The following KAZN variants were observed in gnomAD, a reference collection of about 807,000 sequenced individuals.
KAZN encodes kazrin.
Under a neutral mutation model 87.4 loss-of-function variants are expected in KAZN, and 40 were observed. That is an observed-to-expected ratio of 0.46 (90% CI 0.36 to 0.60). The LOEUF (loss-of-function observed/expected upper bound fraction) is 0.60. Ranked by LOEUF, KAZN falls within the 20% of genes least tolerant of loss-of-function variation. The probability of loss-of-function intolerance (pLI) is 0.00; values close to 1 mark genes in which losing one functional copy is unlikely to be tolerated. For missense variants in KAZN, 898 were observed against 1,073.9 expected (o/e 0.84, Z 2.29); for synonymous variants, 466 against 458.3 (o/e 1.02, Z -0.22).
intron 1 of KAZN, among the ~76,000 whole-genome samples, chr1:14,663,482 G>A (rs1340623600): frequency 6.6e-6 from 1 of 152,132 alleles, no homozygotes; most frequent in Non-Finnish European, 1.5e-5. Context: ...CCTCTGCAGA[G>A]TCAGTGTTCA....
At position 14,987,338 on chromosome 1, in the gene KAZN, CT is replaced by C. The variant is rs1384850346; in HGVS notation, c.418+26464del. Reference sequence around the variant, plus strand: ...TGAAACCCCGTCTCTACTAAAGATACTAAAAATTAGCCGAGCATGGTGGCGA... The same window carrying C: ...TGAAACCCCGTCTCTACTAAAGATACAAAAATTAGCCGAGCATGGTGGCGA... On this transcript the variant is annotated intron_variant, in intron 2 of 14. Transcript: ENST00000376030. Among the ~76,000 whole-genome samples the C allele has an allele frequency of 8.5e-5, 13 of 152,052 alleles. No homozygotes were observed. The East Asian group carries it at 1.6e-3, about 18-fold the overall frequency.
At chr1:14,715,689 C>T in intron 1 of KAZN, among the ~76,000 whole-genome samples, 1 of 152,220 alleles carries the variant, frequency 6.6e-6, no homozygotes, top group East Asian at 1.9e-4. Context: ...CCCTGAAAGT[C>T]TCTGCAGCAA....
intron 3 of KAZN, among the ~76,000 whole-genome samples, chr1:15,036,181 G>C (rs1035365153): frequency 2.2e-5 from 3 of 134,822 alleles, no homozygotes; most frequent in Non-Finnish European, 4.7e-5. Context: ...CTCAGTGCCC[G>C]ACTCGAGAGC....
chr1:14,530,588 A>T (rs1280264441), intron 2 of KAZN, among the ~76,000 whole-genome samples: 10 of 151,670 alleles, frequency 6.6e-5, no homozygotes, highest in African/African-American at 4.9e-5. Flanking sequence ...AGTTCACCTG[A>T]CTTCCGGTTG....
chr1:14,732,032 G>A (rs1643699206), intron 1 of KAZN, among the ~76,000 whole-genome samples: 1 of 152,232 alleles, frequency 6.6e-6, no homozygotes, highest in South Asian at 2.1e-4. Flanking sequence ...AGTCAGCTGT[G>A]GGATAGTGCA....
chr1:14,404,707 C>T (rs920453246), intron 2 of KAZN, among the ~76,000 whole-genome samples: 1 of 151,956 alleles, frequency 6.6e-6, no homozygotes, highest in Non-Finnish European at 1.5e-5. Flanking sequence ...ATCACTTAAC[C>T]CAGTTAAGAG....
intron 1 of KAZN, among the ~76,000 whole-genome samples, chr1:14,009,597 G>GGGCA (rs1427147166): frequency 1.3e-5 from 2 of 152,122 alleles, no homozygotes; most frequent in African/African-American, 4.8e-5. Flanking sequence ...AAGAATTTTA[G>GGGCA]GGCACAGAGA....
At chr1:14,843,388 G>A (rs913817896) in intron 1 of KAZN, among the ~76,000 whole-genome samples, 1 of 152,236 alleles carries the variant, frequency 6.6e-6, no homozygotes, top group African/African-American at 2.4e-5. Context: ...AGGATGGCAG[G>A]GAGGGAGTCT....
intron 2 of KAZN, among the ~76,000 whole-genome samples, chr1:14,417,581 A>G (rs538292182): frequency 8.5e-5 from 13 of 152,312 alleles, no homozygotes; most frequent in Non-Finnish European, 1.6e-4. Flanking sequence ...GGCTGGTTGG[A>G]GTCAAACCAG....
At chr1:14,622,254 G>T (rs1184895119) in intron 1 of KAZN, among the ~76,000 whole-genome samples, 1 of 152,212 alleles carries the variant, frequency 6.6e-6, no homozygotes, top group Non-Finnish European at 1.5e-5. Context: ...TGGAAGAGGA[G>T]AGTGCATTGA....
intron 1 of KAZN, among the ~76,000 whole-genome samples, chr1:14,103,449 CTTA>C (rs1644303505): frequency 6.6e-6 from 1 of 152,304 alleles, no homozygotes; most frequent in East Asian, 1.9e-4. Flanking sequence ...ATAACAGAAA[CTTA>C]TTATCTTACA....
chr1:13,985,457 C>T (rs1228622536), intron 1 of KAZN, among the ~76,000 whole-genome samples: 2 of 146,494 alleles, frequency 1.4e-5, no homozygotes, highest in African/African-American at 5.0e-5. Flanking sequence ...ATCGCAAGAA[C>T]AAAAAACCAA....
chr1:14,691,529 C>A (rs1475727335), intron 1 of KAZN, among the ~76,000 whole-genome samples: 2 of 152,146 alleles, frequency 1.3e-5, no homozygotes, highest in African/African-American at 2.4e-5. Flanking sequence ...TTCTGTTGCC[C>A]AGCCCGGAGT....
chr1:14,163,207 G>C (rs1645748264), intron 1 of KAZN, among the ~76,000 whole-genome samples: 1 of 152,150 alleles, frequency 6.6e-6, no homozygotes. Flanking sequence ...TTTTAGAGCA[G>C]GAGTGAAAGT....
At chr1:15,076,996 G>A (rs1557782350) in intron 8 of KAZN, among the ~76,000 whole-genome samples, 1 of 152,154 alleles carries the variant, frequency 6.6e-6, no homozygotes, top group African/African-American at 2.4e-5. Flanking sequence ...GGTCAGTGAC[G>A]TGGCCACGTG....
chr1:15,095,585 A>T (rs1319643405), intron 10 of KAZN, among the ~76,000 whole-genome samples: 1 of 152,042 alleles, frequency 6.6e-6, no homozygotes. Context: ...CTACAGGGTA[A>T]AGGGAAGGAA....
At chr1:14,277,184 C>T (rs187533901) in intron 2 of KAZN, among the ~76,000 whole-genome samples, 3 of 152,220 alleles carry the variant, frequency 2.0e-5, no homozygotes, top group South Asian at 2.1e-4. Context: ...AAATTAACAA[C>T]GTATGGCCAA....
rs566942710 is a variant in KAZN, at chr1:14,706,789, G to A, written c.226+107566G>A. On this transcript the variant is annotated intron_variant, in intron 1 of 14. Coordinates refer to ENST00000376030, the MANE Select transcript of KAZN (RefSeq NM_201628.3). ...AAGCACTTTATCCTCATTTGAATGT[G>A]CCATCTGTTTCCTGCTGCCTGACTG... is the stretch of plus-strand genomic sequence containing the variant. Among the ~76,000 whole-genome samples the A allele has an allele frequency of 1.6e-3, 239 of 152,252 alleles. 2 individuals are homozygous for A. Among genetic ancestry groups the A allele is most frequent in the Admixed American group, 3.6e-3 (55 of 15,294 alleles).
chr1:15,103,554 C>T (rs2100719970), intron 12 of KAZN, 94 bp downstream of exon 12: 2 of 822,330 alleles, frequency 2.4e-6, no homozygotes, highest in East Asian at 2.7e-5. Flanking sequence ...ACATGCAAAT[C>T]AATATGCAGA....
Sources: allele counts gnomAD v4.1 joint callset (sites outside exome capture counted in the v4.1 genomes callset), GRCh38; gene constraint gnomAD v4.1.1; transcripts MANE v1.5; gene names NCBI Gene and HGNC (gene_info 2026-07-23, HGNC 2026-07-21).